Variants in MCC observed in about 807,000 individuals in gnomAD.
The protein encoded by MCC is MCC regulator of Wnt signaling pathway.
In MCC, 90 loss-of-function variants were observed where a neutral mutation model predicts 116.2. That is an observed-to-expected ratio of 0.77 (90% CI 0.65 to 0.92). MCC has a LOEUF of 0.92. Ranked by LOEUF, MCC falls within the 40% of genes least tolerant of loss-of-function variation. The pLI is 0.00. For missense variants in MCC, 1,516 were observed against 1,312.2 expected, an observed-to-expected ratio of 1.16 and a Z score of -2.40; for synonymous variants, 578 against 510.5, an observed-to-expected ratio of 1.13 and a Z score of -1.78.
chr5:113,140,671 A>G (rs1054794824), intron 5 of MCC, among the ~76,000 whole-genome samples: 1 of 152,204 alleles, frequency 6.6e-6, no homozygotes, highest in Non-Finnish European at 1.5e-5. Context: ...TGGATATATC[A>G]TAGCTTATAT....
At chr5:113,484,011 T>C (rs1004944880) in intron 1 of MCC, among the ~76,000 whole-genome samples, 10 of 151,700 alleles carry the variant, frequency 6.6e-5, no homozygotes, top group Admixed American at 2.0e-4. Flanking sequence ...CATGGACACA[T>C]AGAGGGGAAC....
Position 113,434,978 on chromosome 5 carries a change from A to C in MCC, c.171-49766T>G. The C allele has an allele frequency of 9.7e-7, 1 of 1,026,200 alleles. No homozygotes were observed. Among genetic ancestry groups the C allele is most frequent in the Non-Finnish European group, 1.4e-6 (1 of 712,028 alleles). The allele number at this position is 1,026,200 out of a possible 1,614,324, so 63.6% of individuals were successfully genotyped here. On this transcript the variant is annotated intron_variant, in intron 1 of 18. Transcript: ENST00000408903. This position sits in a 1 kb window ranked among gnomAD's most constrained non-coding sequence, Gnocchi z 4.2. ...TGCTGTTCCTGCCTCCTAGAGGCCA[A>C]GACTCTGGAGTGGAACATTTGGCAC...
chr5:113,112,195 C>T (rs1051152996), intron 6 of MCC, among the ~76,000 whole-genome samples: 10 of 152,152 alleles, frequency 6.6e-5, no homozygotes, highest in Non-Finnish European at 1.3e-4. Flanking sequence ...AGGTATTTGC[C>T]TAGTTTGGAA....
At chr5:113,379,250 A>G (rs772300485) in intron 2 of MCC, among the ~76,000 whole-genome samples, 1 of 152,216 alleles carries the variant, frequency 6.6e-6, no homozygotes. Context: ...AGTGTTCTCT[A>G]TTCCTTACTT....
chr5:113,213,255 C>A (rs1199553587), intron 3 of MCC, among the ~76,000 whole-genome samples: 1 of 152,198 alleles, frequency 6.6e-6, no homozygotes, highest in African/African-American at 2.4e-5. Flanking sequence ...TTAAAGCAAT[C>A]AGAGGCCTCG....
intron 11 of MCC, among the ~76,000 whole-genome samples, chr5:113,072,741 G>A (rs891529761): frequency 2.0e-5 from 3 of 152,160 alleles, no homozygotes; most frequent in African/African-American, 7.2e-5. Context: ...CCACCCTAGG[G>A]GTGATTTCTA....
chr5:113,369,588 ATCTT>A (rs1205913758), intron 2 of MCC, among the ~76,000 whole-genome samples: 2 of 151,836 alleles, frequency 1.3e-5, no homozygotes, highest in African/African-American at 4.8e-5. Flanking sequence ...TTTGGTCTCT[ATCTT>A]TTATTTTAGA....
intron 3 of MCC, among the ~76,000 whole-genome samples, chr5:113,317,889 C>T (rs1767324262): frequency 1.3e-5 from 2 of 152,094 alleles, no homozygotes; most frequent in Non-Finnish European, 2.9e-5. Flanking sequence ...AAAATGTGAT[C>T]AGGATATAAT....
rs187219104 is a variant in MCC at position 113,316,518 on chromosome 5, T to C, written c.627+24001A>G. 1.8e-4 allele frequency among the ~76,000 whole-genome samples: 27 copies of C among 152,344 alleles called. No homozygotes were observed. In the East Asian group the frequency reaches 3.9e-3, roughly 22 times the overall value. On this transcript the variant is annotated intron_variant, in intron 3 of 18. Coordinates refer to ENST00000408903, the MANE Select transcript of MCC (RefSeq NM_001085377.2). The stretch of plus-strand genomic sequence containing the variant: ...TTCTCCTAGAGCTCATTTATATTTC[T>C]GTCATGATCCAATAAGTTCCAAGAG...
chr5:113,391,193 C>A (rs959580962), intron 1 of MCC, among the ~76,000 whole-genome samples: 1 of 152,040 alleles, frequency 6.6e-6, no homozygotes, highest in African/African-American at 2.4e-5. Context: ...GAAATTTCAA[C>A]AAATTTCAGA....
chr5:113,233,395 T>C (rs1176162392), intron 3 of MCC, among the ~76,000 whole-genome samples: 1 of 152,182 alleles, frequency 6.6e-6, no homozygotes, highest in Non-Finnish European at 1.5e-5. Context: ...TGTCTCAGAC[T>C]AGAATGCATG....
chr5:113,240,020 T>C (rs1185126818), intron 3 of MCC, among the ~76,000 whole-genome samples: 2 of 152,320 alleles, frequency 1.3e-5, no homozygotes, highest in Non-Finnish European at 2.9e-5. Context: ...TTTTGAAAAG[T>C]CCAAATTACC....
chr5:113,130,039 T>C (rs1247316282), intron 5 of MCC, among the ~76,000 whole-genome samples: 2 of 152,230 alleles, frequency 1.3e-5, no homozygotes, highest in Non-Finnish European at 2.9e-5. Context: ...TGCACATGTA[T>C]GTTTATTGTG....
At chr5:113,457,070 G>A (rs961001549) in intron 1 of MCC, among the ~76,000 whole-genome samples, 7 of 152,192 alleles carry the variant, frequency 4.6e-5, no homozygotes, top group Non-Finnish European at 4.4e-5. Context: ...TCAGCCCACC[G>A]CTGCACTGTG....
chr5:113,138,359 T>A (rs903684882), intron 5 of MCC, among the ~76,000 whole-genome samples: 10 of 152,182 alleles, frequency 6.6e-5, no homozygotes, highest in Non-Finnish European at 1.0e-4. Context: ...GTGATGGTGT[T>A]TGGAGACAGG....
intron 3 of MCC, among the ~76,000 whole-genome samples, chr5:113,295,353 A>C (rs903988404): frequency 6.6e-6 from 1 of 152,108 alleles, no homozygotes; most frequent in Non-Finnish European, 1.5e-5. Flanking sequence ...GTCTAAAGTC[A>C]ACGCTACGGG....
Position 113,122,829 on chromosome 5 carries a change from G to A in MCC, c.885-3C>T, listed in dbSNP as rs188235773. The A allele has an allele frequency of 2.5e-6, 4 of 1,613,312 alleles. No individual in the cohort carries two copies. Among genetic ancestry groups the A allele is most frequent in the African/African-American group, 2.7e-5 (2 of 74,936 alleles). On this transcript the variant is annotated splice_polypyrimidine_tract_variant and splice_region_variant and intron_variant, in intron 5 of 18. Transcript: ENST00000408903. Reference sequence around the variant, plus strand: ...GTTCTGAGTACTCATCTTCCTCCCTGAGAAAAAAGGAGAATTGGCAACCAC... The same window carrying A: ...GTTCTGAGTACTCATCTTCCTCCCTAAGAAAAAAGGAGAATTGGCAACCAC...
At chr5:113,126,318 T>C (rs899004653) in intron 5 of MCC, among the ~76,000 whole-genome samples, 1 of 152,214 alleles carries the variant, frequency 6.6e-6, no homozygotes, top group Admixed American at 6.5e-5. Context: ...AAGACTGTTT[T>C]AGCCAGGACC....
intron 3 of MCC, among the ~76,000 whole-genome samples, chr5:113,276,134 G>A (rs1765817380): frequency 6.6e-6 from 1 of 152,066 alleles, no homozygotes; most frequent in African/African-American, 2.4e-5. Context: ...AGCCCATGCT[G>A]GCTCCCCAAG....
Sources: gnomAD v4.1 joint callset for allele counts (sites outside exome capture counted in the v4.1 genomes callset) on GRCh38, gnomAD v4.1.1 for gene constraint, Gnocchi (gnomAD v3.1) non-coding constraint, MANE v1.5 for transcripts, NCBI Gene and HGNC (gene_info 2026-07-23, HGNC 2026-07-21) for gene names.